PCGF3: variants seen among roughly 807,000 people sequenced by gnomAD.
PCGF3 encodes polycomb group RING finger protein 3.
Under a neutral mutation model 33.1 loss-of-function variants are expected in PCGF3, and 7 were observed. The observed-to-expected ratio is 0.21, with a 90% CI of 0.12 to 0.40. The LOEUF (loss-of-function observed/expected upper bound fraction) is 0.40, where lower values mean the gene tolerates loss of function less well. Ranked by LOEUF, PCGF3 falls within the 10% of genes least tolerant of loss-of-function variation. The pLI, the probability that PCGF3 is intolerant of heterozygous loss-of-function variation, is 1.00. For missense variants in PCGF3, 211 were observed against 313.3 expected, an observed-to-expected ratio of 0.67 and a Z score of 2.46; for synonymous variants, 153 against 121.3, an observed-to-expected ratio of 1.26 and a Z score of -1.72.
chr4:742,360 T>C (rs1156499050), intron 6 of PCGF3, among the ~76,000 whole-genome samples: 1 of 152,252 alleles, frequency 6.6e-6, no homozygotes, highest in Non-Finnish European at 1.5e-5. Flanking sequence ...GGTTGGGGTA[T>C]GCCCAGAGCG....
chr4:760,389 CATT>C (rs952404363), intron 8 of PCGF3, among the ~76,000 whole-genome samples: 7 of 151,138 alleles, frequency 4.6e-5, no homozygotes, highest in African/African-American at 1.7e-4. Context: ...TTTTTTAGGA[CATT>C]AATCTGTCCT....
intron 8 of PCGF3, among the ~76,000 whole-genome samples, chr4:756,779 T>TC (rs1357216494): frequency 5.3e-5 from 8 of 152,048 alleles, no homozygotes; most frequent in African/African-American, 1.9e-4. Context: ...CATTAAACAC[T>TC]CACTCCCCAC....
chr4:717,651 T>C (rs1325820476), intron 1 of PCGF3, among the ~76,000 whole-genome samples: 1 of 152,200 alleles, frequency 6.6e-6, no homozygotes, highest in African/African-American at 2.4e-5. Context: ...GTGCTGGGAT[T>C]ACAAGTGTGA....
chr4:737,682 G>T, intron 6 of PCGF3, 161 bp downstream of exon 6: 1 of 616,122 alleles, frequency 1.6e-6, no homozygotes, highest in Non-Finnish European at 2.9e-6. Context: ...TCCTTGGCTG[G>T]TCTCTTCTTT....
rs373451219 is a variant in PCGF3, at chr4:716,656, T to C, written c.-190+10686T>C. ...GTAGACACTGAGTGTGAGAACTGGG[T>C]GTCGGTGCTGGGACCCTGTAGACAC... On this transcript the variant is annotated intron_variant, in intron 1 of 10. Transcript: ENST00000362003. 1.9e-3 allele frequency among the ~76,000 whole-genome samples: 195 copies of C among 104,318 alleles called. 3 individuals are homozygous for C. The highest frequency in any genetic ancestry group is 2.4e-3 in the Non-Finnish European group (120 of 50,568). 68.4% of individuals were successfully genotyped at this position (104,318 alleles called of 152,430 possible).
rs757004650 is a variant in PCGF3 at position 737,526 on chromosome 4, G to A, written c.262+5G>A. 6.3e-7 allele frequency: 1 copy of A among 1,584,144 alleles called. No homozygotes were observed. The highest frequency in any genetic ancestry group is 1.3e-5 in the African/African-American group (1 of 74,352). ...TGGTACCAGGCCTCCAAGAAGGTGA[G>A]TGTCTGACTGTCTTGCTGATCCCTG... On this transcript the variant is annotated splice_donor_5th_base_variant and intron_variant, in intron 6 of 10. Coordinates refer to ENST00000362003, the Ensembl canonical transcript of PCGF3.
intron 1 of PCGF3, among the ~76,000 whole-genome samples, chr4:707,521 CGGG>C (rs1742365764): frequency 7.4e-6 from 1 of 134,476 alleles, no homozygotes. Context: ...ACCCGGGGGC[CGGG>C]ACCCTGGGAC....
At chr4:732,728 C>T (rs879452306) in intron 3 of PCGF3, among the ~76,000 whole-genome samples, 8 of 152,194 alleles carry the variant, frequency 5.3e-5, no homozygotes, top group African/African-American at 7.2e-5. Flanking sequence ...GTTTGGGTCG[C>T]GGCTTTCCGT....
chr4:763,188 T>C (rs1346256359), intron 9 of PCGF3, among the ~76,000 whole-genome samples: 1 of 152,202 alleles, frequency 6.6e-6, no homozygotes, highest in Non-Finnish European at 1.5e-5. Flanking sequence ...GCTAAGTTTC[T>C]ATCGTTTTGT....
At chr4:749,474 TC>T (rs1577429874) in intron 8 of PCGF3, among the ~76,000 whole-genome samples, 1 of 129,362 alleles carries the variant, frequency 7.7e-6, no homozygotes, top group Non-Finnish European at 1.6e-5. Context: ...GAATTTTCTT[TC>T]CTTTTTTTTT....
At chr4:769,485 T>A (rs1745527757) in exon 11 of PCGF3, 1 of 152,740 alleles carries the variant, frequency 6.5e-6, no homozygotes, top group Non-Finnish European at 1.5e-5. Flanking sequence ...TCACATGACC[T>A]TAACATGATC....
At chr4:760,172 G>T (rs1170336114) in intron 8 of PCGF3, among the ~76,000 whole-genome samples, 1 of 152,202 alleles carries the variant, frequency 6.6e-6, no homozygotes. Flanking sequence ...GGTATTTCTT[G>T]TATTTTGGAT....
At chr4:733,825 G>C in intron 4 of PCGF3, 36 bp downstream of exon 4, 1 of 1,613,538 alleles carries the variant, frequency 6.2e-7, no homozygotes, top group South Asian at 1.1e-5. Flanking sequence ...GGGAGGGCGC[G>C]CCCTTCCCAG....
chr4:760,865 G>C (rs1745016135), intron 8 of PCGF3, among the ~76,000 whole-genome samples: 1 of 152,224 alleles, frequency 6.6e-6, no homozygotes, highest in Non-Finnish European at 1.5e-5. Context: ...CCTGCTCAAG[G>C]CTTCTCCCTA....
At chr4:749,843 G>T (rs1402733307) in intron 8 of PCGF3, among the ~76,000 whole-genome samples, 2 of 151,972 alleles carry the variant, frequency 1.3e-5, no homozygotes, top group East Asian at 3.9e-4. Context: ...TTTGAGACGG[G>T]ATCTGGCTCT....
chr4:734,058 C>T (rs1351756253), intron 4 of PCGF3: 2 of 1,550,650 alleles, frequency 1.3e-6, no homozygotes, highest in East Asian at 2.4e-5. Context: ...GCAGCAAGGC[C>T]AGTAGCCGCT....
At chr4:739,320 C>A (rs1743983960) in intron 6 of PCGF3, among the ~76,000 whole-genome samples, 1 of 152,202 alleles carries the variant, frequency 6.6e-6, no homozygotes, top group African/African-American at 2.4e-5. Context: ...CCCACCTCAG[C>A]CTGCCAGGTA....
At chr4:706,990 C>T (rs1289586178) in intron 1 of PCGF3, among the ~76,000 whole-genome samples, 2 of 149,958 alleles carry the variant, frequency 1.3e-5, no homozygotes, top group East Asian at 2.0e-4. Flanking sequence ...AGGCAGGACC[C>T]TGGGAAGGTC....
At chr4:715,865 G>A (rs1742805949) in intron 1 of PCGF3, among the ~76,000 whole-genome samples, 1 of 117,494 alleles carries the variant, frequency 8.5e-6, no homozygotes, top group African/African-American at 2.9e-5. Flanking sequence ...TGTGAGAACT[G>A]GGTGTCGGTG....
Sources: gnomAD v4.1 joint callset for allele counts (sites outside exome capture counted in the v4.1 genomes callset) on GRCh38, gnomAD v4.1.1 for gene constraint, MANE v1.5 for transcripts, NCBI Gene and HGNC (gene_info 2026-07-23, HGNC 2026-07-21) for gene names.